CACNA2D3: variants seen among roughly 807,000 people sequenced by gnomAD.
CACNA2D3 encodes voltage-dependent calcium channel subunit alpha-2/delta-3.
A neutral mutation model predicts 160.6 loss-of-function variants in CACNA2D3; 60 were observed. That is an observed-to-expected ratio of 0.37 (90% CI 0.30 to 0.46). The LOEUF (loss-of-function observed/expected upper bound fraction) is 0.46. Among genes scored for constraint, CACNA2D3 ranks in the 20% least tolerant of loss-of-function variants. The probability of loss-of-function intolerance (pLI) is 1.00; values close to 1 mark genes in which losing one functional copy is unlikely to be tolerated. For missense variants in CACNA2D3, 1,205 were observed against 1,365.0 expected (o/e 0.88, Z 1.85); for synonymous variants, 558 against 492.9 (o/e 1.13, Z -1.75).
chr3:54,451,229 C>CTTTTTTTTTTT lies in CACNA2D3; in HGVS notation c.382-52241_382-52231dup, dbSNP rs71074970. Among the ~76,000 whole-genome samples the CTTTTTTTTTTT allele has an allele frequency of 7.0e-4, 36 of 51,754 alleles. 8 individuals carry two copies. The highest frequency in any genetic ancestry group is 2.2e-3 in the African/African-American group (25 of 11,608). 34.0% of individuals were successfully genotyped at this position (51,754 alleles called of 152,430 possible). On this transcript the variant is annotated intron_variant, in intron 4 of 37. Transcript: ENST00000474759. ...TGTCCCTTTCTGCTGATATAATAATCTTTTTTTTTTTTTTTTTTTTTTTTT... is the reference window on the plus strand; with the variant it reads ...TGTCCCTTTCTGCTGATATAATAATCTTTTTTTTTTTTTTTTTTTTTTTTTTTTTTTTTTTT...
At chr3:54,785,266 AT>A (rs1415078819) in intron 13 of CACNA2D3, among the ~76,000 whole-genome samples, 1 of 151,868 alleles carries the variant, frequency 6.6e-6, no homozygotes, top group African/African-American at 2.4e-5. Context: ...GTCCATTTTG[AT>A]TTTTTTTCTC....
intron 10 of CACNA2D3, among the ~76,000 whole-genome samples, chr3:54,629,558 C>T (rs1699189604): frequency 6.6e-6 from 1 of 152,178 alleles, no homozygotes; most frequent in Non-Finnish European, 1.5e-5. Flanking sequence ...ACCTAATGAG[C>T]TCCAAGGGGC....
intron 35 of CACNA2D3, among the ~76,000 whole-genome samples, chr3:55,024,793 A>T (rs1703530536): frequency 6.6e-6 from 1 of 152,232 alleles, no homozygotes; most frequent in South Asian, 2.1e-4. Flanking sequence ...CTGAAATGTG[A>T]ATATTTCTTT....
intron 35 of CACNA2D3, among the ~76,000 whole-genome samples, chr3:55,060,087 G>A (rs950732531): frequency 1.3e-5 from 2 of 152,060 alleles, no homozygotes; most frequent in African/African-American, 4.8e-5. Context: ...TGAAGGTGGG[G>A]CCTTTGTCAG....
chr3:54,902,496 CCTT>C (rs145510135), intron 27 of CACNA2D3, among the ~76,000 whole-genome samples: 27 of 152,282 alleles, frequency 1.8e-4, no homozygotes, highest in Non-Finnish European at 3.2e-4. Context: ...TGCTTACAGT[CCTT>C]CTCTTGAGAA....
At chr3:54,167,458 A>ATTT in intron 2 of CACNA2D3, among the ~76,000 whole-genome samples, 1 of 152,278 alleles carries the variant, frequency 6.6e-6, no homozygotes, top group South Asian at 2.1e-4. Flanking sequence ...CATACACCGC[A>ATTT]GAGCCTGGGG....
At chr3:54,308,430 T>TC (rs756891257) in intron 2 of CACNA2D3, among the ~76,000 whole-genome samples, 27 of 151,952 alleles carry the variant, frequency 1.8e-4, no homozygotes, top group Non-Finnish European at 3.1e-4. Flanking sequence ...CCACTCCCTC[T>TC]CCCCCAATCG....
chr3:54,131,441 C>A (rs1477980497), intron 2 of CACNA2D3, among the ~76,000 whole-genome samples: 1 of 152,220 alleles, frequency 6.6e-6, no homozygotes, highest in Non-Finnish European at 1.5e-5. Context: ...CACAGGAGAT[C>A]CCAGCATACC....
chr3:54,386,793 A>G lies in CACNA2D3; in HGVS notation c.381+19A>G. The G allele has an allele frequency of 6.4e-7, 1 of 1,571,720 alleles. No homozygotes were observed. The highest frequency in any genetic ancestry group is 8.6e-7 in the Non-Finnish European group (1 of 1,156,930). ...CTTACAGGTAACTGATTATAGTTTG[A>G]GTTAAATTGTTTTGTGTGTTTCCTG... is the stretch of plus-strand genomic sequence containing the variant. On this transcript the variant is annotated intron_variant, in intron 4 of 37. Transcript: ENST00000474759.
intron 5 of CACNA2D3, among the ~76,000 whole-genome samples, chr3:54,518,430 G>T (rs987359810): frequency 4.6e-5 from 7 of 152,306 alleles, no homozygotes; most frequent in African/African-American, 1.7e-4. Flanking sequence ...CCCAGTGTCT[G>T]AGAAGTGCCC....
intron 11 of CACNA2D3, among the ~76,000 whole-genome samples, chr3:54,749,501 A>G (rs1183518612): frequency 2.0e-5 from 3 of 152,154 alleles, no homozygotes; most frequent in Non-Finnish European, 1.5e-5. Flanking sequence ...AGTCCCCATA[A>G]GCATTTTATT....
At chr3:54,382,023 AT>A (rs1386204645) in intron 3 of CACNA2D3, among the ~76,000 whole-genome samples, 8 of 152,194 alleles carry the variant, frequency 5.3e-5, no homozygotes, top group African/African-American at 1.9e-4. Context: ...GGGATAAAAG[AT>A]TTGTGGACAA....
At chr3:55,029,318 C>A (rs369143559) in intron 35 of CACNA2D3, among the ~76,000 whole-genome samples, 2 of 152,132 alleles carry the variant, frequency 1.3e-5, no homozygotes, top group African/African-American at 2.4e-5. Context: ...TGCTCATCTC[C>A]AAGAGGGCTA....
intron 13 of CACNA2D3, among the ~76,000 whole-genome samples, chr3:54,816,538 C>T (rs550797185): frequency 6.6e-6 from 1 of 152,244 alleles, no homozygotes; most frequent in South Asian, 2.1e-4. Context: ...GGAATTGTGC[C>T]CTTCGGATCA....
chr3:54,287,941 A>G (rs1703076275), intron 2 of CACNA2D3, among the ~76,000 whole-genome samples: 1 of 150,788 alleles, frequency 6.6e-6, no homozygotes. Flanking sequence ...GTAGAGGGAA[A>G]TTTATAGCAC....
chr3:54,493,557 TC>T (rs1167870414), intron 4 of CACNA2D3, among the ~76,000 whole-genome samples: 2 of 152,168 alleles, frequency 1.3e-5, no homozygotes, highest in Non-Finnish European at 2.9e-5. Flanking sequence ...TATGTCCTAT[TC>T]CCTTCCCTAG....
intron 2 of CACNA2D3, among the ~76,000 whole-genome samples, chr3:54,173,753 C>T (rs1189308235): frequency 7.9e-5 from 12 of 152,208 alleles, no homozygotes; most frequent in Admixed American, 6.5e-5. Context: ...TTAGAAAGAG[C>T]TGAGGAAGCT....
At chr3:54,484,705 A>C (rs1700988899) in intron 4 of CACNA2D3, among the ~76,000 whole-genome samples, 1 of 152,226 alleles carries the variant, frequency 6.6e-6, no homozygotes, top group Non-Finnish European at 1.5e-5. Flanking sequence ...GTAACTGGAA[A>C]TGGTGAAGTT....
At chr3:54,705,935 C>T (rs1484437659) in intron 11 of CACNA2D3, among the ~76,000 whole-genome samples, 1 of 152,158 alleles carries the variant, frequency 6.6e-6, no homozygotes, top group Non-Finnish European at 1.5e-5. Context: ...CTATGCATGG[C>T]CCCTCTTCTC....
Sources: gnomAD v4.1 joint callset for allele counts (sites outside exome capture counted in the v4.1 genomes callset) on GRCh38, gnomAD v4.1.1 for gene constraint, MANE v1.5 for transcripts, NCBI Gene and HGNC (gene_info 2026-07-23, HGNC 2026-07-21) for gene names.